Variants in BCL9 observed in about 807,000 individuals in gnomAD.
BCL9 encodes the protein BCL9 transcription coactivator.
A neutral mutation model predicts 88.5 loss-of-function variants in BCL9; 25 were observed. The observed-to-expected ratio is 0.28, with a 90% CI of 0.21 to 0.39. The LOEUF (loss-of-function observed/expected upper bound fraction) is 0.39. Ranked by LOEUF, BCL9 falls within the 10% of genes least tolerant of loss-of-function variation. The pLI is 1.00. For synonymous variants in BCL9, 711 were observed against 673.3 expected, an observed-to-expected ratio of 1.06 and a Z score of -0.87; for missense variants, 1,817 against 1,877.8, an observed-to-expected ratio of 0.97 and a Z score of 0.60.
intron 1 of BCL9, among the ~76,000 whole-genome samples, chr1:147,561,672 G>A (rs1320431159): frequency 2.0e-5 from 3 of 152,292 alleles, no homozygotes; most frequent in African/African-American, 7.2e-5. Context: ...CATAAAAAAT[G>A]AATACGATTC....
chr1:147,611,776 A>T lies in BCL9; in HGVS notation c.-61A>T. 1 of 1,554,958 alleles carries T rather than the reference A, an allele frequency of 6.4e-7. No homozygotes were observed. Among genetic ancestry groups the T allele is most frequent in the East Asian group, 2.2e-5 (1 of 44,570 alleles). Reference sequence around the variant, plus strand: ...TGCCCCCAGCAGCTGTTTCTGCTGCAACCCGAGAGGAACTCGGTGAGCCTG... The same window carrying T: ...TGCCCCCAGCAGCTGTTTCTGCTGCTACCCGAGAGGAACTCGGTGAGCCTG... On this transcript the variant is annotated 5_prime_UTR_variant, in exon 4 of 10. Transcript: ENST00000234739.
intron 1 of BCL9, among the ~76,000 whole-genome samples, chr1:147,574,327 G>A (rs1553197857): frequency 6.6e-6 from 1 of 152,202 alleles, no homozygotes; most frequent in African/African-American, 2.4e-5. Flanking sequence ...GTGGAAGAAC[G>A]TAGTGCAATG....
chr1:147,619,550 G>A lies in BCL9; in HGVS notation c.1395G>A (p.Met465Ile). The change falls in exon 8 of 10, where the codon ATG (methionine) becomes ATA (isoleucine). Residue 465 changes from methionine to isoleucine, a missense_variant. Physicochemically the swap from Met to Ile is conservative, Grantham distance 10 (BLOSUM62 1). This residue lies in a region of BCL9 where 1,228 missense variants were observed against 1,191.6 expected (regional missense o/e 1.03). Transcript: ENST00000234739. This position sits in a 1 kb window ranked among gnomAD's most constrained non-coding sequence, Gnocchi z 4.1. ...TAGGACCCGACCACCTTGACCATAT[G>A]ACTCCCGAGCAGATAGCGTGGCTGA... ...GTIGPDHLDHMTPEQIAWLKL... is the reference protein window; with the variant it reads ...GTIGPDHLDHITPEQIAWLKL... The A allele has an allele frequency of 1.2e-6, 2 of 1,614,098 alleles. No individual in the cohort carries two copies. The highest frequency in any genetic ancestry group is 1.7e-6 in the Non-Finnish European group (2 of 1,180,014).
intron 8 of BCL9, 23 bp from the exon 9 acceptor site, chr1:147,622,243 CGTTTT>C (rs782557248): frequency 4.8e-5 from 78 of 1,612,958 alleles, no homozygotes; most frequent in Non-Finnish European, 5.6e-5. Flanking sequence ...ATTCCCTGCC[CGTTTT>C]GTTTTATTTT....
At chr1:147,564,017 G>A (rs1655496911) in intron 1 of BCL9, among the ~76,000 whole-genome samples, 1 of 152,180 alleles carries the variant, frequency 6.6e-6, no homozygotes, top group African/African-American at 2.4e-5. Context: ...CTACTTTGCA[G>A]CATTCTAGGA....
intron 8 of BCL9, among the ~76,000 whole-genome samples, chr1:147,621,354 T>C (rs935266502): frequency 7.2e-5 from 11 of 152,198 alleles, no homozygotes; most frequent in African/African-American, 2.7e-4. Flanking sequence ...TGCAATAAAA[T>C]GTCTTAACAG....
Position 147,541,615 on chromosome 1 carries a change from C to T in BCL9, c.-537C>T, listed in dbSNP as rs1654321882. 6.6e-6 allele frequency: 1 copy of T among 152,120 alleles called. No homozygotes were observed. The highest frequency in any genetic ancestry group is 2.1e-4 in the South Asian group (1 of 4,826). 9.4% of individuals were successfully genotyped at this position (152,120 alleles called of 1,614,324 possible). Reference sequence around the variant, plus strand: ...GCGGGAAAAGGGTCTTTTTTGTCTTCATTCACTTTCCCCCCTCAGTTTCTG... The same window carrying T: ...GCGGGAAAAGGGTCTTTTTTGTCTTTATTCACTTTCCCCCCTCAGTTTCTG... On this transcript the variant is annotated 5_prime_UTR_variant, in exon 1 of 10. Coordinates refer to ENST00000234739, the MANE Select transcript of BCL9 (RefSeq NM_004326.4).
At chr1:147,598,376 A>C (rs1553200687) in intron 1 of BCL9, among the ~76,000 whole-genome samples, 1 of 152,234 alleles carries the variant, frequency 6.6e-6, no homozygotes, top group East Asian at 1.9e-4. Context: ...AAGAGAAAAT[A>C]CCTTGCCACA....
chr1:147,550,770 G>A (rs1171539621), intron 1 of BCL9, among the ~76,000 whole-genome samples: 6 of 152,168 alleles, frequency 3.9e-5, no homozygotes, highest in African/African-American at 1.4e-4. Context: ...GTCCTGAACT[G>A]GTTATGTGAC....
intron 6 of BCL9, 94 bp from the exon 7 acceptor site, chr1:147,615,709 C>T: frequency 2.2e-6 from 2 of 912,446 alleles, no homozygotes; most frequent in South Asian, 3.2e-5. Context: ...CTTCCTCTCC[C>T]TTACAAGTTT....
intron 3 of BCL9, among the ~76,000 whole-genome samples, chr1:147,611,048 C>T (rs370262885): frequency 1.1e-4 from 17 of 152,144 alleles, no homozygotes; most frequent in African/African-American, 3.6e-4. Context: ...TCAGAAGTAC[C>T]TCCTTTAAAG....
In BCL9 at chr1:147,624,485, G is replaced by C; in HGVS notation, c.3807G>C (p.Gly1269=). The stretch of plus-strand genomic sequence containing the variant: ...AACAGCCCCAGGGTCCTGGACCTGG[G>C]TTTTCACACATGCAGGGGATGATGG... The part of the protein sequence containing the change: ...GRKQPQGPGP[G]FSHMQGMMGE... The change falls in exon 10 of 10, where the codon GGG becomes GGC. Residue 1269 remains glycine, a synonymous_variant. Transcript: ENST00000234739. The surrounding 1 kb of genome is among the most constrained non-coding windows in gnomAD (Gnocchi z 4.4). 6.2e-7 allele frequency: 1 copy of C among 1,614,210 alleles called. No homozygotes were observed. Among genetic ancestry groups the C allele is most frequent in the Non-Finnish European group, 8.5e-7 (1 of 1,180,030 alleles).
chr1:147,555,858 C>T (rs1036977343), intron 1 of BCL9, among the ~76,000 whole-genome samples: 5 of 152,226 alleles, frequency 3.3e-5, no homozygotes, highest in Non-Finnish European at 7.3e-5. Flanking sequence ...CTTTTCTAAA[C>T]ATTCACCTTA....
intron 3 of BCL9, among the ~76,000 whole-genome samples, chr1:147,610,564 G>A (rs587633164): frequency 2.0e-5 from 3 of 152,230 alleles, no homozygotes; most frequent in African/African-American, 7.2e-5. Flanking sequence ...ACTCCCTTTG[G>A]TTCTGTAGTC....
At chr1:147,572,786 G>C (rs1480797099) in intron 1 of BCL9, among the ~76,000 whole-genome samples, 1 of 152,176 alleles carries the variant, frequency 6.6e-6, no homozygotes, top group African/African-American at 2.4e-5. Context: ...CGCCATGTTG[G>C]CCAGGCTGGT....
intron 1 of BCL9, among the ~76,000 whole-genome samples, chr1:147,591,516 G>C (rs1321026772): frequency 1.3e-5 from 2 of 152,138 alleles, no homozygotes; most frequent in Non-Finnish European, 2.9e-5. Context: ...ACCTCATGGG[G>C]TTATTGCGTA....
rs1658453283 is a variant in BCL9, at chr1:147,619,072, A to G, written c.917A>G (p.Asn306Ser). The G allele has an allele frequency of 6.2e-7, 1 of 1,613,256 alleles. No homozygotes were observed. The highest frequency in any genetic ancestry group is 1.3e-5 in the African/African-American group (1 of 74,870). The stretch of plus-strand genomic sequence containing the variant: ...CTGCCCCCAGATGGTACTGGGCCCA[A>G]CTCAACTCCCAACAATAGGGCAGTG... The part of the protein sequence containing the change: ...TPLPPDGTGP[N>S]STPNNRAVTP... The change falls in exon 8 of 10, where the codon AAC becomes AGC. Residue 306 changes from asparagine (N) to serine (S), a missense_variant. Coordinates refer to ENST00000234739, the MANE Select transcript of BCL9 (RefSeq NM_004326.4). This position sits in a 1 kb window ranked among gnomAD's most constrained non-coding sequence, Gnocchi z 4.1.
At chr1:147,591,974 A>G (rs1489232871) in intron 1 of BCL9, among the ~76,000 whole-genome samples, 2 of 152,156 alleles carry the variant, frequency 1.3e-5, no homozygotes, top group Non-Finnish European at 2.9e-5. Context: ...CTTCTAATGA[A>G]GCTCTCACTC....
At chr1:147,543,394 A>C (rs1553193990) in intron 1 of BCL9, among the ~76,000 whole-genome samples, 1 of 152,230 alleles carries the variant, frequency 6.6e-6, no homozygotes, top group Admixed American at 6.5e-5. Flanking sequence ...GATTGAAGCA[A>C]AGGGCCAGCC....
Sources: gnomAD v4.1 joint callset for allele counts (sites outside exome capture counted in the v4.1 genomes callset) on GRCh38, gnomAD v4.1.1 for gene constraint, gnomAD v4.1.1 regional missense constraint, Gnocchi (gnomAD v3.1) non-coding constraint, MANE v1.5 for transcripts, NCBI Gene and HGNC (gene_info 2026-07-23, HGNC 2026-07-21) for gene names.